DPP6: variants seen among roughly 807,000 people sequenced by gnomAD.
DPP6 encodes A-type potassium channel modulatory protein DPP6.
In DPP6, 69 loss-of-function variants were observed where a neutral mutation model predicts 122.6. That is an observed-to-expected ratio of 0.56 (90% CI 0.46 to 0.69). The LOEUF (loss-of-function observed/expected upper bound fraction) is 0.69, where lower values mean the gene tolerates loss of function less well. Among genes scored for constraint, DPP6 ranks in the 30% least tolerant of loss-of-function variants. DPP6 has a pLI of 0.00. For missense variants in DPP6, 928 were observed against 1,116.9 expected (o/e 0.83, Z 2.41); for synonymous variants, 418 against 433.1 (o/e 0.97, Z 0.43).
intron 16 of DPP6, among the ~76,000 whole-genome samples, chr7:154,836,262 G>A (rs1801045914): frequency 6.6e-6 from 1 of 152,208 alleles, no homozygotes; most frequent in Admixed American, 6.5e-5. Context: ...CCCCTGGCTG[G>A]GGGAAATATG....
intron 1 of DPP6, among the ~76,000 whole-genome samples, chr7:154,082,953 A>G (rs1173223620): frequency 1.4e-5 from 2 of 147,090 alleles, no homozygotes; most frequent in Non-Finnish European, 3.0e-5. Context: ...GGTTCACACC[A>G]TTCTCCTGCC....
chr7:154,017,084 T>G (rs1798452230), intron 1 of DPP6, among the ~76,000 whole-genome samples: 1 of 152,206 alleles, frequency 6.6e-6, no homozygotes, highest in Non-Finnish European at 1.5e-5. Flanking sequence ...TATGTTTTTT[T>G]TGAGACAGGG....
chr7:154,615,695 T>C (rs2130826425), intron 5 of DPP6, among the ~76,000 whole-genome samples: 1 of 151,422 alleles, frequency 6.6e-6, no homozygotes, highest in South Asian at 2.1e-4. Flanking sequence ...ATTCACAATG[T>C]TGTGTAACCA....
intron 1 of DPP6, among the ~76,000 whole-genome samples, chr7:153,984,669 T>C (rs1020569781): frequency 2.0e-5 from 3 of 152,308 alleles, no homozygotes; most frequent in Non-Finnish European, 4.4e-5. Context: ...AGTGTACTGA[T>C]ACCATTTGAA....
intron 4 of DPP6, among the ~76,000 whole-genome samples, chr7:154,552,899 C>G (rs1829736761): frequency 1.3e-5 from 2 of 152,156 alleles, no homozygotes; most frequent in African/African-American, 4.8e-5. Flanking sequence ...GATTCAGAAA[C>G]AGATCAGCAT....
At chr7:154,553,325 C>A (rs983064481) in intron 4 of DPP6, among the ~76,000 whole-genome samples, 3 of 152,158 alleles carry the variant, frequency 2.0e-5, no homozygotes, top group Non-Finnish European at 4.4e-5. Context: ...TTTTTCGAGA[C>A]TTGCTCATGG....
chr7:154,815,261 T>G (rs1799346544), intron 16 of DPP6, among the ~76,000 whole-genome samples: 2 of 152,192 alleles, frequency 1.3e-5, no homozygotes, highest in African/African-American at 4.8e-5. Flanking sequence ...CTCTAGCATA[T>G]TAGAGGAAGA....
In DPP6 at chr7:153,910,230, C is replaced by A. The variant is rs1235136585; in HGVS notation, c.51+22496C>A. Reference sequence around the variant, plus strand: ...CAGCACTTTTTTGACCACTTTCTTTCTTTCTTTTTTTTTTTTTGAGATGGA... The same window carrying A: ...CAGCACTTTTTTGACCACTTTCTTTATTTCTTTTTTTTTTTTTGAGATGGA... On this transcript the variant is annotated intron_variant, in intron 1 of 25. Coordinates refer to the DPP6 transcript ENST00000404039. Among the ~76,000 whole-genome samples the A allele has an allele frequency of 1.2e-4, 14 of 113,760 alleles. No individual in the cohort carries two copies. In the South Asian group the frequency reaches 3.7e-3, roughly 30 times the overall value. 74.6% of individuals were successfully genotyped at this position (113,760 alleles called of 152,430 possible). A position where few individuals can be genotyped will look rare whatever the true frequency, so the allele number is the denominator to read the frequency against.
chr7:154,516,827 C>T (rs1826554777), intron 3 of DPP6, among the ~76,000 whole-genome samples: 2 of 152,172 alleles, frequency 1.3e-5, no homozygotes, highest in African/African-American at 4.8e-5. Context: ...GGACTCAGGG[C>T]TTGGATGTCT....
chr7:154,829,518 G>T (rs1034943726), intron 16 of DPP6, among the ~76,000 whole-genome samples: 1 of 147,300 alleles, frequency 6.8e-6, no homozygotes, highest in Non-Finnish European at 1.5e-5. Context: ...GAAGGAAAAT[G>T]GAGAGAGGGA....
In DPP6 at chr7:153,964,983, CCTTCCTTCCTTCCTTTCTTCCTT is replaced by C. The variant is rs1563055854; in HGVS notation, c.51+77251_51+77273del. On this transcript the variant is annotated intron_variant, in intron 1 of 25. Coordinates refer to the DPP6 transcript ENST00000404039. Reference sequence around the variant, plus strand: ...TTCTTTCTTTCATTTCTTTTCCCTTCCTTCCTTCCTTCCTTTCTTCCTTCCTTCCTTCCTTCCTTCCTTCCTTC... The same window carrying C: ...TTCTTTCTTTCATTTCTTTTCCCTTCCCTTCCTTCCTTCCTTCCTTCCTTC... Among the ~76,000 whole-genome samples the C allele has an allele frequency of 6.5e-4, 40 of 61,382 alleles. 2 individuals are homozygous for C. Among genetic ancestry groups the C allele is most frequent in the Middle Eastern group, 7.8e-3 (1 of 128 alleles). The allele number at this position is 61,382 out of a possible 152,430, so 40.3% of individuals were successfully genotyped here. A position where few individuals can be genotyped will look rare whatever the true frequency, so the allele number is the denominator to read the frequency against.
chr7:154,370,979 T>TC (rs1812602273), intron 1 of DPP6, among the ~76,000 whole-genome samples: 1 of 152,146 alleles, frequency 6.6e-6, no homozygotes, highest in South Asian at 2.1e-4. Context: ...CTGAGGAGCC[T>TC]CCCTATGCAG....
chr7:154,071,472 C>G (rs1373985844), intron 1 of DPP6, among the ~76,000 whole-genome samples: 1 of 152,216 alleles, frequency 6.6e-6, no homozygotes, highest in Non-Finnish European at 1.5e-5. Flanking sequence ...GTTAGAATGT[C>G]ACATCTTTAT....
At chr7:154,873,331 G>A (rs542600518) in intron 19 of DPP6, among the ~76,000 whole-genome samples, 2 of 152,300 alleles carry the variant, frequency 1.3e-5, no homozygotes, top group Admixed American at 6.5e-5. Flanking sequence ...CGCTGACACC[G>A]CACGGGGAGG....
rs188864780 is a variant in DPP6, at chr7:154,650,046, G to A, written c.680+12173G>A. ...AACAGATTCAAAACTGTGGGCCTGC[G>A]CAGTGATTCATGCCTATAATCCCAG... On this transcript the variant is annotated intron_variant, in intron 6 of 25. Coordinates refer to ENST00000377770, the MANE Select transcript of DPP6 (RefSeq NM_130797.4). Among the ~76,000 whole-genome samples, 213 of 152,276 alleles carry A rather than the reference G, an allele frequency of 1.4e-3. 1 individual carries two copies. The highest frequency in any genetic ancestry group is 4.6e-3 in the African/African-American group (192 of 41,560).
At chr7:154,314,213 G>T (rs1807227895) in intron 1 of DPP6, among the ~76,000 whole-genome samples, 1 of 152,156 alleles carries the variant, frequency 6.6e-6, no homozygotes, top group Admixed American at 6.5e-5. Context: ...GTTCTGGACT[G>T]ATTCTGTATC....
chr7:154,596,902 A>T (rs1171459222), intron 5 of DPP6, among the ~76,000 whole-genome samples: 1 of 96,062 alleles, frequency 1.0e-5, no homozygotes, highest in Non-Finnish European at 2.0e-5. Context: ...AGGAAATTTT[A>T]AAATATGAGG....
At chr7:154,874,697 T>C (rs1192015163) in intron 19 of DPP6, among the ~76,000 whole-genome samples, 1 of 152,094 alleles carries the variant, frequency 6.6e-6, no homozygotes, top group African/African-American at 2.4e-5. Context: ...GTCGAAGCAG[T>C]CACCTGGCTG....
chr7:154,433,880 G>A (rs1401905047), intron 1 of DPP6, among the ~76,000 whole-genome samples: 1 of 152,062 alleles, frequency 6.6e-6, no homozygotes, highest in African/African-American at 2.4e-5. Context: ...AGGCCTACAC[G>A]TTCTTTTCCT....
Sources: gnomAD v4.1 joint callset for allele counts (sites outside exome capture counted in the v4.1 genomes callset) on GRCh38, gnomAD v4.1.1 for gene constraint, MANE v1.5 for transcripts, NCBI Gene and HGNC (gene_info 2026-07-23, HGNC 2026-07-21) for gene names.